GLYR1: variants seen among roughly 807,000 people sequenced by gnomAD.
GLYR1 encodes the protein cytokine-like nuclear factor N-PAC.
In GLYR1, 21 loss-of-function variants were observed where a neutral mutation model predicts 72.7. The ratio of observed to expected loss-of-function variants is 0.29; its 90% CI spans 0.20 to 0.42. The LOEUF (loss-of-function observed/expected upper bound fraction) is 0.42, where lower values mean the gene tolerates loss of function less well. GLYR1 is among the 10% of genes least tolerant of loss of function. The pLI, the probability that GLYR1 is intolerant of heterozygous loss-of-function variation, is 1.00. For missense variants in GLYR1, 594 were observed against 712.1 expected, an observed-to-expected ratio of 0.83 and a Z score of 1.89; for synonymous variants, 392 against 270.2, an observed-to-expected ratio of 1.45 and a Z score of -4.42.
At chr16:4,814,495 G>A (rs750685498) in intron 11 of GLYR1, 42 bp downstream of exon 11, 2 of 1,477,586 alleles carry the variant, frequency 1.4e-6, no homozygotes, top group East Asian at 4.5e-5. Flanking sequence ...AGCAATCCTG[G>A]CTGTGACCCG....
rs140311761 is a variant in GLYR1 at position 4,821,385 on chromosome 16, G to A, written c.801C>T (p.Asp267=). 7.4e-4 allele frequency: 1,187 copies of A among 1,612,910 alleles called. 2 individuals are homozygous for A. The highest frequency in any genetic ancestry group is 2.4e-3 in the Middle Eastern group (12 of 4,990). Residue 267 remains aspartate (D), a synonymous_variant, in exon 9 of 16, where the codon GAC becomes GAT. Coordinates refer to ENST00000321919, the MANE Select transcript of GLYR1 (RefSeq NM_032569.4). ...TAVNGSITPT[D]KKIGFLGLGL... is the part of the protein sequence containing the mutation. ...CTTTTCATCAAAGGTCCTACTTTTT[G>A]TCTGTGGGTGTGATGCTGCCATTCA...
chr16:4,808,566 C>G (rs1170496519), intron 15 of GLYR1, among the ~76,000 whole-genome samples: 1 of 151,812 alleles, frequency 6.6e-6, no homozygotes, highest in Admixed American at 6.6e-5. Context: ...CCATTGCACT[C>G]CAGCTTGGGC....
At chr16:4,846,376 T>C (rs545672210) in intron 1 of GLYR1, among the ~76,000 whole-genome samples, 166 bp from the exon 2 acceptor site, 1 of 152,310 alleles carries the variant, frequency 6.6e-6, no homozygotes, top group African/African-American at 2.4e-5. Flanking sequence ...AAATGCAAAA[T>C]TGTATACTTA....
intron 15 of GLYR1, 126 bp downstream of exon 15, chr16:4,811,044 G>A: frequency 8.5e-7 from 1 of 1,180,674 alleles, no homozygotes; most frequent in Non-Finnish European, 1.2e-6. Flanking sequence ...GGCGGAGGTT[G>A]CATTGAGCTG....
intron 11 of GLYR1, among the ~76,000 whole-genome samples, chr16:4,814,307 T>C (rs2083491458): frequency 6.6e-6 from 1 of 152,220 alleles, no homozygotes; most frequent in African/African-American, 2.4e-5. Flanking sequence ...TCAAGACACA[T>C]TTCAGCACAG....
At position 4,827,628 on chromosome 16, in the gene GLYR1, C is replaced by T. The variant is rs181904410; in HGVS notation, c.538-3721G>A. ...ACAAACAAAAAAAACGGGCCAGGCA[C>T]GGTGGCTCACGCCTGTCATCCCAGC... On this transcript the variant is annotated intron_variant, in intron 5 of 15. Coordinates refer to ENST00000321919, the MANE Select transcript of GLYR1 (RefSeq NM_032569.4). Among the ~76,000 whole-genome samples the T allele has an allele frequency of 2.0e-3, 298 of 152,160 alleles. 1 individual carries two copies. Among genetic ancestry groups the T allele is most frequent in the Non-Finnish European group, 3.4e-3 (229 of 67,992 alleles).
In GLYR1 at chr16:4,808,375, T is replaced by C. The variant is rs551011558; in HGVS notation, c.1587+2795A>G. 1.3e-4 allele frequency among the ~76,000 whole-genome samples: 20 copies of C among 152,136 alleles called. No individual in the cohort carries two copies. In the South Asian group the frequency reaches 3.7e-3, roughly 28 times the overall value. On this transcript the variant is annotated intron_variant, in intron 15 of 15. Transcript: ENST00000321919. ...ACTTAGGTAGGCTGAGGTGGGTGGA[T>C]CACCTGAGGTCAGGAGTTTGAGACC...
At chr16:4,837,514 G>A (rs1296170673) in intron 3 of GLYR1, among the ~76,000 whole-genome samples, 2 of 152,006 alleles carry the variant, frequency 1.3e-5, no homozygotes, top group Admixed American at 1.3e-4. Flanking sequence ...GCTGTCACAT[G>A]TGTTTCAGCC....
intron 15 of GLYR1, 34 bp from the exon 16 acceptor site, chr16:4,805,344 C>A: frequency 6.3e-7 from 1 of 1,583,008 alleles, no homozygotes; most frequent in Non-Finnish European, 8.7e-7. Context: ...GTCTCTGGCC[C>A]CAGAGCTGCC....
chr16:4,824,331 G>A (rs1182902881), intron 5 of GLYR1, among the ~76,000 whole-genome samples: 1 of 151,788 alleles, frequency 6.6e-6, no homozygotes, highest in Non-Finnish European at 1.5e-5. Context: ...TGGCCAACAC[G>A]GTGAAACCCC....
chr16:4,806,954 C>T (rs1482349460), intron 15 of GLYR1, among the ~76,000 whole-genome samples: 8 of 151,114 alleles, frequency 5.3e-5, no homozygotes, highest in Non-Finnish European at 4.4e-5. Flanking sequence ...CTACAGGCGC[C>T]CGCCACCACG....
chr16:4,812,387 C>T, intron 12 of GLYR1, 139 bp from the exon 13 acceptor site: 1 of 821,802 alleles, frequency 1.2e-6, no homozygotes, highest in Non-Finnish European at 1.9e-6. Flanking sequence ...TACCAAGGTC[C>T]TTTAGCTGAC....
chr16:4,840,795 T>G (rs1307183341), intron 3 of GLYR1, among the ~76,000 whole-genome samples: 2 of 152,128 alleles, frequency 1.3e-5, no homozygotes, highest in Non-Finnish European at 2.9e-5. Flanking sequence ...GAATGCACAT[T>G]AGGCTGGTAA....
At chr16:4,815,807 A>G (rs1441767241) in intron 10 of GLYR1, among the ~76,000 whole-genome samples, 1 of 151,830 alleles carries the variant, frequency 6.6e-6, no homozygotes, top group South Asian at 2.1e-4. Flanking sequence ...TTTTTGAGAC[A>G]GAGTCTCGCT....
intron 3 of GLYR1, chr16:4,843,592 G>A (rs1596418065): frequency 1.6e-6 from 2 of 1,289,040 alleles, no homozygotes; most frequent in Non-Finnish European, 2.0e-6. Context: ...GAGAAATGGG[G>A]CTGGGTCTAT....
rs766786567 is a variant in GLYR1, at chr16:4,832,070, G to A, written c.446C>T (p.Ser149Leu). The A allele has an allele frequency of 6.2e-7, 1 of 1,614,212 alleles. No homozygotes were observed. ...NMGEGKKRVSSGSSERGSKSP... is the reference protein window; with the variant it reads ...NMGEGKKRVSLGSSERGSKSP... Reference sequence around the variant, plus strand: ...TTTGGAGCCTCTCTCTGAAGAGCCTGAAGACACCCTCTTCTTTCCTTCTCC... The same window carrying A: ...TTTGGAGCCTCTCTCTGAAGAGCCTAAAGACACCCTCTTCTTTCCTTCTCC... Residue 149 changes from serine to leucine, a missense_variant, in exon 5 of 16, where the codon TCA becomes TTA. This residue lies in a region of GLYR1 where 252 missense variants were observed against 211.3 expected (regional missense o/e 1.19). Coordinates refer to ENST00000321919, the MANE Select transcript of GLYR1 (RefSeq NM_032569.4).
Position 4,803,606 on chromosome 16 carries a change from G to C in GLYR1, c.*1630C>G, listed in dbSNP as rs965807816. ...CCCCCAGTGTGTTCCGCCAGGACTAGAACAGGCTTTGTGTTCAGACAGAAA... is the reference window on the plus strand; with the variant it reads ...CCCCCAGTGTGTTCCGCCAGGACTACAACAGGCTTTGTGTTCAGACAGAAA... On this transcript the variant is annotated 3_prime_UTR_variant, in exon 16 of 16. Transcript: ENST00000321919. The C allele has an allele frequency of 2.0e-5, 3 of 147,158 alleles. No homozygotes were observed. Among genetic ancestry groups the C allele is most frequent in the Non-Finnish European group, 4.5e-5 (3 of 67,288 alleles). 9.1% of individuals were successfully genotyped at this position (147,158 alleles called of 1,614,324 possible).
Position 4,832,353 on chromosome 16 carries a change from C to T in GLYR1, c.295-132G>A. The T allele has an allele frequency of 1.1e-5, 12 of 1,104,762 alleles. No homozygotes were observed. The South Asian group carries it at 1.9e-4, about 17-fold the overall frequency. 68.4% of individuals were successfully genotyped at this position (1,104,762 alleles called of 1,614,324 possible). On this transcript the variant is annotated intron_variant, in intron 4 of 15. Transcript: ENST00000321919. ...CTCACAATGACCCTAGAAATAGATTCTGCTGTCGTCCCAGACATTGGGAGA... is the reference window on the plus strand; with the variant it reads ...CTCACAATGACCCTAGAAATAGATTTTGCTGTCGTCCCAGACATTGGGAGA...
chr16:4,816,662 G>C (rs1438105745), intron 10 of GLYR1, among the ~76,000 whole-genome samples: 2 of 151,962 alleles, frequency 1.3e-5, no homozygotes, highest in African/African-American at 4.8e-5. Flanking sequence ...ATCTATGTTA[G>C]TATTTATTTT....
Sources: gnomAD v4.1 joint callset for allele counts (sites outside exome capture counted in the v4.1 genomes callset) on GRCh38, gnomAD v4.1.1 for gene constraint, gnomAD v4.1.1 regional missense constraint, MANE v1.5 for transcripts, NCBI Gene and HGNC (gene_info 2026-07-23, HGNC 2026-07-21) for gene names.